The following NIBAN1 variants were observed in gnomAD, a reference collection of about 807,000 sequenced individuals.
The protein encoded by NIBAN1 is niban apoptosis regulator 1.
Under a neutral mutation model 75.1 loss-of-function variants are expected in NIBAN1, and 81 were observed. The observed-to-expected ratio is 1.08, with a 90% CI of 0.90 to 1.30. NIBAN1 has a LOEUF of 1.30. Ranked by LOEUF, NIBAN1 falls within the 50% of genes most tolerant of loss-of-function variation. The pLI, the probability that NIBAN1 is intolerant of heterozygous loss-of-function variation, is 0.00. For missense variants in NIBAN1, 1,133 were observed against 1,128.1 expected (o/e 1.00, Z -0.06); for synonymous variants, 436 against 424.8 (o/e 1.03, Z -0.32).
At chr1:184,965,196 G>A (rs1354878141) in intron 1 of NIBAN1, among the ~76,000 whole-genome samples, 1 of 152,086 alleles carries the variant, frequency 6.6e-6, no homozygotes. Context: ...CTACTCGAGA[G>A]GCTGACGCAG....
chr1:184,969,928 G>C (rs915161582), intron 1 of NIBAN1, among the ~76,000 whole-genome samples: 1 of 152,036 alleles, frequency 6.6e-6, no homozygotes, highest in Admixed American at 6.6e-5. Context: ...AACTTTAGGA[G>C]GCCAAGGCAG....
At chr1:184,935,624 T>A (rs1421997182) in intron 1 of NIBAN1, among the ~76,000 whole-genome samples, 2 of 152,118 alleles carry the variant, frequency 1.3e-5, no homozygotes, top group African/African-American at 2.4e-5. Flanking sequence ...TATATTTTTT[T>A]AAATGTGAAA....
chr1:184,909,205 A>C (rs904139997), intron 1 of NIBAN1, among the ~76,000 whole-genome samples: 1 of 152,204 alleles, frequency 6.6e-6, no homozygotes, highest in Non-Finnish European at 1.5e-5. Flanking sequence ...GCCAGACTTA[A>C]AATAAGCCAG....
chr1:184,800,207 G>A (rs1192972480), intron 12 of NIBAN1, among the ~76,000 whole-genome samples: 48 of 151,490 alleles, frequency 3.2e-4, no homozygotes, highest in Non-Finnish European at 2.9e-5. Flanking sequence ...CTTTTTGATG[G>A]GGTTGTTTGT....
intron 1 of NIBAN1, among the ~76,000 whole-genome samples, chr1:184,965,126 C>T (rs912976826): frequency 4.6e-5 from 7 of 152,048 alleles, no homozygotes; most frequent in African/African-American, 1.7e-4. Flanking sequence ...GGTGAAACCC[C>T]GTCTCTACTA....
At chr1:184,872,758 G>C (rs1656144864) in intron 5 of NIBAN1, among the ~76,000 whole-genome samples, 1 of 151,520 alleles carries the variant, frequency 6.6e-6, no homozygotes, top group Non-Finnish European at 1.5e-5. Context: ...ACTATCTAAT[G>C]TACATGTAAT....
At chr1:184,844,641 G>A (rs580869) in intron 5 of NIBAN1, among the ~76,000 whole-genome samples, 88,075 of 152,026 alleles carry the variant, frequency 0.58, 26,001 homozygotes, top group African/African-American at 0.67. Context: ...GCACAATATA[G>A]ATTTCTAGTC....
chr1:184,889,929 C>T (rs1323722387), intron 4 of NIBAN1, among the ~76,000 whole-genome samples, 179 bp downstream of exon 4: 1 of 152,178 alleles, frequency 6.6e-6, no homozygotes, highest in Non-Finnish European at 1.5e-5. Flanking sequence ...TGTAGCATCC[C>T]TGGCCTCTAT....
intron 5 of NIBAN1, among the ~76,000 whole-genome samples, chr1:184,878,808 G>A (rs1470013287): frequency 6.6e-6 from 1 of 152,150 alleles, no homozygotes; most frequent in African/African-American, 2.4e-5. Flanking sequence ...TGGGACAACT[G>A]GTTCTCAGCC....
chr1:184,854,553 G>A (rs1346367169), intron 5 of NIBAN1, among the ~76,000 whole-genome samples: 2 of 152,206 alleles, frequency 1.3e-5, no homozygotes, highest in Non-Finnish European at 2.9e-5. Context: ...CATGGGCAAT[G>A]AGGAATCCTT....
At chr1:184,857,054 A>G (rs531780438) in intron 5 of NIBAN1, among the ~76,000 whole-genome samples, 1 of 152,288 alleles carries the variant, frequency 6.6e-6, no homozygotes, top group South Asian at 2.1e-4. Context: ...TCCTTTTTCA[A>G]ACACCCAACC....
intron 1 of NIBAN1, among the ~76,000 whole-genome samples, chr1:184,968,542 G>A (rs1031153826): frequency 6.6e-6 from 1 of 152,118 alleles, no homozygotes; most frequent in African/African-American, 2.4e-5. Flanking sequence ...TGGAGGAGCT[G>A]CAATTTCTCA....
rs1207594968 is a variant in NIBAN1, at chr1:184,792,667, C to T, written c.*2310G>A. On this transcript the variant is annotated 3_prime_UTR_variant, in exon 14 of 14. Coordinates refer to ENST00000367511, the MANE Select transcript of NIBAN1 (RefSeq NM_052966.4). ...GGGCAGAAAGCCCAATTCAAAACGT[C>T]TTTCTGCCTGACAGCAGGCCCCAAA... 6.5e-6 allele frequency: 1 copy of T among 152,722 alleles called. No homozygotes were observed. Among genetic ancestry groups the T allele is most frequent in the East Asian group, 1.9e-4 (1 of 5,188 alleles). The allele number at this position is 152,722 out of a possible 1,614,324, so 9.5% of individuals were successfully genotyped here. A position where few individuals can be genotyped will look rare whatever the true frequency, so the allele number is the denominator to read the frequency against.
chr1:184,822,012 C>T (rs1654715289), intron 8 of NIBAN1, among the ~76,000 whole-genome samples: 1 of 152,070 alleles, frequency 6.6e-6, no homozygotes, highest in Non-Finnish European at 1.5e-5. Flanking sequence ...AGCCGACAGC[C>T]CCGAGACTCT....
intron 5 of NIBAN1, among the ~76,000 whole-genome samples, chr1:184,865,518 C>G (rs557830879): frequency 6.6e-6 from 1 of 152,090 alleles, no homozygotes; most frequent in Non-Finnish European, 1.5e-5. Flanking sequence ...ACTTGGGTAA[C>G]GAGACCATTC....
At chr1:184,907,098 C>T (rs1166984887) in intron 1 of NIBAN1, among the ~76,000 whole-genome samples, 1 of 152,090 alleles carries the variant, frequency 6.6e-6, no homozygotes, top group East Asian at 1.9e-4. Context: ...CAAAAAGATA[C>T]AAAAATCCAA....
At chr1:184,923,380 T>C (rs1657608043) in intron 1 of NIBAN1, among the ~76,000 whole-genome samples, 1 of 152,186 alleles carries the variant, frequency 6.6e-6, no homozygotes, top group Non-Finnish European at 1.5e-5. Flanking sequence ...ACTGTAGATA[T>C]ATAGATTTAT....
intron 1 of NIBAN1, among the ~76,000 whole-genome samples, chr1:184,930,998 T>TTTTTTC (rs1553229159): frequency 4.4e-5 from 5 of 113,660 alleles, no homozygotes; most frequent in African/African-American, 2.0e-4. Context: ...TTTCTTCTTC[T>TTTTTTC]TTTTTTTTTT....
chr1:184,856,435 T>G (rs748353222), intron 5 of NIBAN1, among the ~76,000 whole-genome samples: 1 of 152,184 alleles, frequency 6.6e-6, no homozygotes, highest in Non-Finnish European at 1.5e-5. Context: ...GAAAAATTCA[T>G]TCTGGCAAAC....
Sources: allele counts gnomAD v4.1 joint callset (sites outside exome capture counted in the v4.1 genomes callset), GRCh38; gene constraint gnomAD v4.1.1; transcripts MANE v1.5; gene names NCBI Gene and HGNC (gene_info 2026-07-23, HGNC 2026-07-21).